MTERF4: variants seen among roughly 807,000 people sequenced by gnomAD.
The protein encoded by MTERF4 is transcription termination factor 4, mitochondrial.
MTERF4 carries 17 observed loss-of-function variants against 22.5 expected under a neutral mutation model. The observed-to-expected ratio is 0.75, with a 90% confidence interval of 0.52 to 1.13. MTERF4 has a LOEUF of 1.13. MTERF4 is among the 50% of genes most tolerant of loss of function. The pLI is 0.00. For missense variants in MTERF4, 420 were observed against 466.8 expected (o/e 0.90, Z 0.92); for synonymous variants, 165 against 175.3 (o/e 0.94, Z 0.47).
downstream of MTERF4, chr2:241,088,188 C>A (rs1007709186): frequency 8.3e-6 from 5 of 599,510 alleles, no homozygotes; most frequent in Non-Finnish European, 1.2e-5. Context: ...GCCAGGCGGG[C>A]GCACACAAAC....
the MTERF4 span, among the ~76,000 whole-genome samples, chr2:241,067,015 G>A: frequency 1.3e-3 from 205 of 152,350 alleles, 2 homozygotes; most frequent in African/African-American, 4.8e-3. Flanking sequence ...AGCTGCCAGG[G>A]GCTGAGTAGG....
At position 241,073,366 on chromosome 2, in the gene MTERF4, T is replaced by A; in HGVS notation, n.2796A>T. 2 of 1,563,984 alleles carry A rather than the reference T, an allele frequency of 1.3e-6. No individual in the cohort carries two copies. Among genetic ancestry groups the A allele is most frequent in the Non-Finnish European group, 1.7e-6 (2 of 1,155,012 alleles). The stretch of plus-strand genomic sequence containing the variant: ...AACACGGCAGCAAGGACATCGGAAG[T>A]GAGTCAGCAGCGCTGGTGGGGACTT... On this transcript the variant is annotated non_coding_transcript_exon_variant, in exon 5 of 5. Transcript: ENST00000464344. This position sits in a 1 kb window ranked among gnomAD's most constrained non-coding sequence, Gnocchi z 6.6.
At chr2:241,087,811 C>T (rs989334833), downstream of MTERF4, 3 of 738,896 alleles carry the variant, frequency 4.1e-6, no homozygotes, top group Non-Finnish European at 3.8e-6. Context: ...GCGCGTCGCT[C>T]TTTACTTTTT....
the MTERF4 span, chr2:241,063,955 C>A: frequency 7.8e-7 from 1 of 1,289,950 alleles, no homozygotes; most frequent in Non-Finnish European, 1.1e-6. Context: ...CTGTCCTCTC[C>A]TCCCTCCCCC....
At chr2:241,095,069 C>G (rs1197143493), downstream of MTERF4, 5 of 143,590 alleles carry the variant, frequency 3.5e-5, no homozygotes, top group East Asian at 2.0e-4. Flanking sequence ...CGCCCCCCCC[C>G]CCCCCCACAC....
the MTERF4 span, chr2:241,065,540 A>G: frequency 1.2e-6 from 2 of 1,612,742 alleles, no homozygotes; most frequent in Admixed American, 1.7e-5. Flanking sequence ...CAGTGAAGCG[A>G]AACAGTAACA....
chr2:241,048,655 G>C, the MTERF4 span: 6 of 1,604,736 alleles, frequency 3.7e-6, no homozygotes, highest in Non-Finnish European at 5.1e-6. Context: ...CCCTCTCTTC[G>C]TGGCAGGAGT....
the MTERF4 span, among the ~76,000 whole-genome samples, chr2:241,049,321 A>G: frequency 6.6e-6 from 1 of 152,236 alleles, no homozygotes; most frequent in Non-Finnish European, 1.5e-5. Flanking sequence ...CCTCTTCCCC[A>G]GTGGAGTAAG....
At chr2:241,052,696 G>GCT in the MTERF4 span, among the ~76,000 whole-genome samples, 112 of 67,270 alleles carry the variant, frequency 1.7e-3, 5 homozygotes, top group East Asian at 0.013. Context: ...TCGGCGGGGG[G>GCT]GGGGGGGGTC....
At chr2:241,060,375 G>C in the MTERF4 span, among the ~76,000 whole-genome samples, 1 of 152,184 alleles carries the variant, frequency 6.6e-6, no homozygotes, top group Non-Finnish European at 1.5e-5. Context: ...TAGAGACGGG[G>C]TTTCACCATG....
chr2:241,073,047 G>A lies in MTERF4; in HGVS notation n.3115C>T, dbSNP rs1283231294. 3.7e-6 allele frequency: 2 copies of A among 543,734 alleles called. No homozygotes were observed. Among genetic ancestry groups the A allele is most frequent in the Non-Finnish European group, 6.6e-6 (2 of 305,342 alleles). The allele number at this position is 543,734 out of a possible 1,614,324, so 33.7% of individuals were successfully genotyped here. The stretch of plus-strand genomic sequence containing the variant: ...GCAGCTCTGAGGGGGCCCTGCAAGG[G>A]GAAGGCCGAGCCCCTCCAGAGGGTC... On this transcript the variant is annotated non_coding_transcript_exon_variant, in exon 5 of 5. Transcript: ENST00000464344. This position sits in a 1 kb window ranked among gnomAD's most constrained non-coding sequence, Gnocchi z 6.6.
chr2:241,065,629 GCCCCTGCC>G, the MTERF4 span: 1 of 1,593,264 alleles, frequency 6.3e-7, no homozygotes. Context: ...TCCCTGCCCA[GCCCCTGCC>G]CCTCGAGGGC....
rs760857293 is a variant in MTERF4, at chr2:241,096,411, G to A, written c.733C>T (p.His245Tyr). The A allele has an allele frequency of 1.9e-6, 3 of 1,614,142 alleles. No individual in the cohort carries two copies. The South Asian group carries it at 3.3e-5, about 18-fold the overall frequency. ...QYAYFRMGIK[H>Y]PDIVKSEYLQ... The stretch of plus-strand genomic sequence containing the variant: ...TACTCACTCTTTACAATGTCTGGAT[G>A]CTTAATTCCCATCCTGAAGTATGCA... Residue 245 changes from histidine (H) to tyrosine (Y), a missense_variant, in exon 4 of 4, where the codon CAT becomes TAT. Physicochemically the swap from His to Tyr is moderately conservative, Grantham distance 83 (BLOSUM62 2). Coordinates refer to ENST00000391980, the MANE Select transcript of MTERF4 (RefSeq NM_182501.4). The surrounding 1 kb of genome is among the most constrained non-coding windows in gnomAD (Gnocchi z 5.1).
At chr2:241,063,632 G>A in the MTERF4 span, 1 of 1,612,316 alleles carries the variant, frequency 6.2e-7, no homozygotes, top group Non-Finnish European at 8.5e-7. Context: ...GGAGGGTCCT[G>A]CAGGAACCTC....
chr2:241,064,826 C>T, the MTERF4 span: 14 of 1,557,102 alleles, frequency 9.0e-6, no homozygotes, highest in East Asian at 2.9e-4. This position sits in a 1 kb window ranked among gnomAD's most constrained non-coding sequence, Gnocchi z 7.0. Context: ...CATACACTGC[C>T]ACTTTTTCTC....
chr2:241,052,665 G>A, the MTERF4 span, among the ~76,000 whole-genome samples: 883 of 67,612 alleles, frequency 0.013, 41 homozygotes, highest in East Asian at 0.064. Context: ...ATGGGACACC[G>A]GTGCCAGGCA....
chr2:241,101,091 A>G, intron 1 of MTERF4: 1 of 452,530 alleles, frequency 2.2e-6, no homozygotes, highest in Non-Finnish European at 4.7e-6. Flanking sequence ...ATTCAAGCAT[A>G]TTACATTTGT....
the MTERF4 span, chr2:241,048,268 C>A: frequency 1.3e-6 from 2 of 1,545,808 alleles, no homozygotes; most frequent in Non-Finnish European, 1.7e-6. Context: ...AGACCACTCT[C>A]CCCACATTCC....
chr2:241,068,886 T>C (rs765398089), downstream of MTERF4: 1 of 1,493,722 alleles, frequency 6.7e-7, no homozygotes, highest in South Asian at 1.2e-5. The surrounding 1 kb of genome is among the most constrained non-coding windows in gnomAD (Gnocchi z 5.3). Context: ...ATCCCTGTTC[T>C]CTCTTTGTCA....
Sources: allele counts gnomAD v4.1 joint callset (sites outside exome capture counted in the v4.1 genomes callset), GRCh38; gene constraint gnomAD v4.1.1; non-coding constraint Gnocchi (gnomAD v3.1); transcripts MANE v1.5; gene names NCBI Gene and HGNC (gene_info 2026-07-23, HGNC 2026-07-21).